DCAF6: variants seen among roughly 807,000 people sequenced by gnomAD.
DCAF6 encodes the protein DDB1 and CUL4 associated factor 6.
DCAF6 carries 54 observed loss-of-function variants against 125.1 expected under a neutral mutation model. The ratio of observed to expected loss-of-function variants is 0.43; its 90% confidence interval spans 0.35 to 0.54. The LOEUF is 0.54. Among genes scored for constraint, DCAF6 ranks in the 20% least tolerant of loss-of-function variants. The pLI is 0.01. For synonymous variants in DCAF6, 371 were observed against 390.4 expected, an observed-to-expected ratio of 0.95 and a Z score of 0.58; for missense variants, 934 against 1,161.7, an observed-to-expected ratio of 0.80 and a Z score of 2.85.
At chr1:167,956,202 C>CT (rs1331869242) in intron 2 of DCAF6, among the ~76,000 whole-genome samples, 49 of 148,396 alleles carry the variant, frequency 3.3e-4, no homozygotes, top group East Asian at 9.8e-4. Flanking sequence ...TGCCAAGTGT[C>CT]TTTTTTTTTT....
chr1:167,891,022 C>T, the DCAF6 span, among the ~76,000 whole-genome samples: 6 of 151,970 alleles, frequency 3.9e-5, no homozygotes, highest in Non-Finnish European at 7.4e-5. Context: ...AGTGCAGTGG[C>T]GCAATCTCGG....
chr1:167,940,117 GATTA>G (rs761073184), intron 1 of DCAF6, among the ~76,000 whole-genome samples: 19 of 152,116 alleles, frequency 1.2e-4, no homozygotes, highest in Admixed American at 2.6e-4. Flanking sequence ...TACTTAAACT[GATTA>G]ATTATCTCCT....
the DCAF6 span, chr1:167,870,159 A>G: frequency 7.5e-7 from 1 of 1,325,076 alleles, no homozygotes; most frequent in East Asian, 2.3e-5. Flanking sequence ...TGTAGGTTAT[A>G]GATAATTTAC....
intron 1 of DCAF6, among the ~76,000 whole-genome samples, chr1:167,939,741 C>T (rs1254184756): frequency 2.0e-5 from 3 of 150,086 alleles, no homozygotes; most frequent in Non-Finnish European, 3.0e-5. Context: ...CCAGCCTGGG[C>T]GACAGAGGGA....
chr1:167,904,202 C>G, the DCAF6 span, among the ~76,000 whole-genome samples: 1 of 151,666 alleles, frequency 6.6e-6, no homozygotes, highest in Non-Finnish European at 1.5e-5. Context: ...ATTCTCCTGC[C>G]TCAGCCTTCC....
At chr1:168,021,442 C>T (rs142989949) in intron 11 of DCAF6, among the ~76,000 whole-genome samples, 2 of 152,032 alleles carry the variant, frequency 1.3e-5, no homozygotes, top group Middle Eastern at 3.4e-3. Flanking sequence ...TTTATCTGTT[C>T]TTTAAAAACA....
At chr1:167,904,626 T>A in the DCAF6 span, 93 of 526,242 alleles carry the variant, frequency 1.8e-4, 1 homozygote, top group East Asian at 2.0e-3. Flanking sequence ...GGTGGCAAGT[T>A]TATTAGTAAG....
chr1:167,898,326 C>T, the DCAF6 span, among the ~76,000 whole-genome samples: 4 of 151,964 alleles, frequency 2.6e-5, no homozygotes, highest in African/African-American at 4.8e-5. Flanking sequence ...AGAGGCTGGG[C>T]GTGGTGGCTT....
chr1:168,044,763 G>T (rs764491192), intron 15 of DCAF6, 92 bp downstream of exon 15: 1 of 1,402,672 alleles, frequency 7.1e-7, no homozygotes, highest in Non-Finnish European at 9.9e-7. Flanking sequence ...CCATGTTCAA[G>T]TGTATTGTGG....
At chr1:168,063,520 G>C in intron 17 of DCAF6, 101 bp from the exon 18 acceptor site, 1 of 1,037,202 alleles carries the variant, frequency 9.6e-7, no homozygotes, top group East Asian at 3.1e-5. Context: ...GAGATAGTGT[G>C]TTTATGTATT....
intron 12 of DCAF6, among the ~76,000 whole-genome samples, chr1:168,035,354 G>A (rs1687664836): frequency 6.6e-6 from 1 of 152,154 alleles, no homozygotes; most frequent in Admixed American, 6.5e-5. Flanking sequence ...GGCTGAGGTG[G>A]GAGAATCACC....
intron 11 of DCAF6, among the ~76,000 whole-genome samples, chr1:168,016,545 T>A (rs939566931): frequency 6.6e-6 from 1 of 152,206 alleles, no homozygotes; most frequent in African/African-American, 2.4e-5. Flanking sequence ...CATGTTCTTA[T>A]TATGCTATAA....
chr1:167,904,444 T>C, the DCAF6 span, among the ~76,000 whole-genome samples: 4 of 152,110 alleles, frequency 2.6e-5, no homozygotes, highest in Non-Finnish European at 1.5e-5. Context: ...GCTGGTCAAG[T>C]GTCAGACATG....
the DCAF6 span, among the ~76,000 whole-genome samples, chr1:167,863,580 G>T: frequency 2.6e-5 from 4 of 152,110 alleles, no homozygotes; most frequent in African/African-American, 7.2e-5. Flanking sequence ...ACATTTCTTG[G>T]TTCCCTGACC....
At chr1:167,985,225 TG>T (rs915267792) in intron 4 of DCAF6, among the ~76,000 whole-genome samples, 112 of 151,020 alleles carry the variant, frequency 7.4e-4, no homozygotes, top group Non-Finnish European at 1.3e-3. Context: ...TGTGTGTGTG[TG>T]GTGTGTGTGT....
At chr1:167,887,762 T>A in the DCAF6 span, among the ~76,000 whole-genome samples, 1 of 151,264 alleles carries the variant, frequency 6.6e-6, no homozygotes, top group Non-Finnish European at 1.5e-5. Flanking sequence ...TAATTTTTTA[T>A]CTGATAAAAT....
Position 168,075,542 on chromosome 1 carries a change from G to A in DCAF6, c.*107G>A. The A allele has an allele frequency of 2.9e-6, 3 of 1,019,904 alleles. No individual in the cohort carries two copies. Among genetic ancestry groups the A allele is most frequent in the Non-Finnish European group, 4.1e-6 (3 of 723,408 alleles). The allele number at this position is 1,019,904 out of a possible 1,614,324, so 63.2% of individuals were successfully genotyped here. ...TGCAATTTTAAGGTTATGGTTTTTG[G>A]AGTTTTTCCCTTTTTTTGGGATAAC... On this transcript the variant is annotated 3_prime_UTR_variant, in exon 22 of 22. Transcript: ENST00000367840.
At position 168,028,386 on chromosome 1, in the gene DCAF6, T is replaced by A. The variant is rs371597865; in HGVS notation, c.1609+5339T>A. On this transcript the variant is annotated intron_variant, in intron 12 of 21. Coordinates refer to ENST00000367840, the MANE Select transcript of DCAF6 (RefSeq NM_001198956.2). ...AGTAATTTTGTCTGAGTTTTAGGTT[T>A]TGGCCATGATTGAAACAAGTTGCTT... 5.6e-4 allele frequency among the ~76,000 whole-genome samples: 86 copies of A among 152,290 alleles called. 1 individual carries two copies. The highest frequency in any genetic ancestry group is 2.0e-3 in the African/African-American group (83 of 41,580).
the DCAF6 span, chr1:167,924,490 G>C: frequency 6.3e-7 from 1 of 1,586,864 alleles, no homozygotes; most frequent in Non-Finnish European, 8.6e-7. Flanking sequence ...AAAAACTCAA[G>C]ACTTACCCAT....
Sources: gnomAD v4.1 joint callset for allele counts (sites outside exome capture counted in the v4.1 genomes callset) on GRCh38, gnomAD v4.1.1 for gene constraint, MANE v1.5 for transcripts, NCBI Gene and HGNC (gene_info 2026-07-23, HGNC 2026-07-21) for gene names.